EPN3: variants seen among roughly 807,000 people sequenced by gnomAD.
EPN3 encodes epsin 3.
Under a neutral mutation model 55.5 loss-of-function variants are expected in EPN3, and 56 were observed. The observed-to-expected ratio is 1.01, with a 90% CI of 0.81 to 1.26. The LOEUF (loss-of-function observed/expected upper bound fraction) is 1.26. EPN3 is among the 50% of genes most tolerant of loss of function. EPN3 has a pLI of 0.00. For synonymous variants in EPN3, 449 were observed against 375.2 expected (o/e 1.20, Z -2.27); for missense variants, 927 against 853.4 (o/e 1.09, Z -1.07).
rs150154475 is a variant in EPN3, at chr17:50,536,860, A to G, written c.304A>G (p.Thr102Ala). Residue 102 changes from threonine (T) to alanine (A), a missense_variant, in exon 2 of 10, where the codon ACC becomes GCC. Physicochemically the swap from Thr to Ala is moderately conservative, Grantham distance 58 (BLOSUM62 0). Transcript: ENST00000268933. ...CCACCAGTGCCGCGAGAACCTCTAC[A>G]CCATCCAGACACTCAAGGACTTCCA... ...VAHQCRENLY[T>A]IQTLKDFQYI... 3.4e-5 allele frequency: 55 copies of G among 1,614,050 alleles called. No homozygotes were observed. The African/African-American group carries it at 6.1e-4, about 18-fold the overall frequency.
Position 50,537,173 on chromosome 17 carries a change from T to C in EPN3, c.562+55T>C, listed in dbSNP as rs959660004. The C allele has an allele frequency of 1.7e-5, 25 of 1,473,318 alleles. No individual in the cohort carries two copies. The African/African-American group carries it at 2.6e-4, about 16-fold the overall frequency. 91.3% of individuals were successfully genotyped at this position (1,473,318 alleles called of 1,614,324 possible). On this transcript the variant is annotated intron_variant, in intron 2 of 9. Coordinates refer to ENST00000268933, the MANE Select transcript of EPN3 (RefSeq NM_017957.3). ...GGGGAGGTGGCCCGACTTCCATTCC[T>C]GGCTCTGCAATCCAAGCCATGGTTC...
At position 50,542,361 on chromosome 17, in the gene EPN3, C is replaced by T; in HGVS notation, c.*204C>T. ...CCCGCATAATAAAGACTGGAACCCT[C>T]GTTCTCAGCTCTCACCAAGTGGACT... is the stretch of plus-strand genomic sequence containing the variant. On this transcript the variant is annotated 3_prime_UTR_variant, in exon 10 of 10. Coordinates refer to ENST00000268933, the MANE Select transcript of EPN3 (RefSeq NM_017957.3). The T allele has an allele frequency of 3.8e-6, 2 of 520,760 alleles. No individual in the cohort carries two copies. The highest frequency in any genetic ancestry group is 7.7e-5 in the East Asian group (2 of 26,016). 32.3% of individuals were successfully genotyped at this position (520,760 alleles called of 1,614,324 possible). A position where few individuals can be genotyped will look rare whatever the true frequency, so the allele number is the denominator to read the frequency against.
intron 4 of EPN3, 100 bp from the exon 5 acceptor site, chr17:50,539,087 C>T: frequency 6.4e-7 from 1 of 1,566,694 alleles, no homozygotes; most frequent in Non-Finnish European, 8.7e-7. Flanking sequence ...TCTCAGCTGC[C>T]TCCCACCCTG....
intron 1 of EPN3, among the ~76,000 whole-genome samples, chr17:50,535,841 T>C (rs72628357): frequency 0.034 from 5,141 of 152,266 alleles, 314 homozygotes; most frequent in Admixed American, 0.17. Flanking sequence ...CTAGGAAGGA[T>C]AGGTCTTAAG....
rs770105001 is a variant in EPN3 at position 50,536,504 on chromosome 17, CAGCCCTCCACCTCCGGCGGGGGCGAG to C, written c.-52_-27del. 49 of 1,609,596 alleles carry C rather than the reference CAGCCCTCCACCTCCGGCGGGGGCGAG, an allele frequency of 3.0e-5. No homozygotes were observed. The East Asian group carries it at 8.0e-4, about 26-fold the overall frequency. On this transcript the variant is annotated 5_prime_UTR_variant, in exon 2 of 10. Transcript: ENST00000268933. ...ACTGTGACCTCGCCACAGTGGCCCT[CAGCCCTCCACCTCCGGCGGGGGCGAG>C]GGCCACCCACCTCCAAGTCTCCAGC...
intron 5 of EPN3, 42 bp from the exon 6 acceptor site, chr17:50,540,205 C>T (rs772002937): frequency 1.3e-6 from 2 of 1,556,754 alleles, no homozygotes; most frequent in African/African-American, 2.7e-5. Context: ...TCCCTCCAGG[C>T]CCCGCCCACT....
chr17:50,541,513 G>C lies in EPN3; in HGVS notation c.1404G>C (p.Thr468=), dbSNP rs754162270. 7 of 1,614,130 alleles carry C rather than the reference G, an allele frequency of 4.3e-6. No homozygotes were observed. In the Admixed American group the frequency reaches 1.2e-4, roughly 27 times the overall value. ...DPSPSSKQNG[T]KEPDALDLGI... ...GCCCCAGTTCCAAGCAAAATGGCAC[G>C]AAGGAGCCAGATGCCCTGGACCTGG... Residue 468 remains threonine (T), a synonymous_variant, in exon 9 of 10, where the codon ACG becomes ACC. Transcript: ENST00000268933.
chr17:50,532,861 A>G lies in EPN3; in HGVS notation c.-261A>G. The G allele has an allele frequency of 7.8e-7, 1 of 1,283,602 alleles. No individual in the cohort carries two copies. The highest frequency in any genetic ancestry group is 1.0e-6 in the Non-Finnish European group (1 of 985,810). 79.5% of individuals were successfully genotyped at this position (1,283,602 alleles called of 1,614,324 possible). ...TGGGAGCAGGTGGGTCTCTGGGACG[A>G]GGGTCCATGGTGGATGGCTCTGGAG... On this transcript the variant is annotated 5_prime_UTR_variant, in exon 1 of 10. Coordinates refer to ENST00000268933, the MANE Select transcript of EPN3 (RefSeq NM_017957.3).
At chr17:50,533,717 T>C (rs2034713694) in intron 1 of EPN3, among the ~76,000 whole-genome samples, 1 of 152,168 alleles carries the variant, frequency 6.6e-6, no homozygotes, top group Non-Finnish European at 1.5e-5. Flanking sequence ...GGACCCTGTA[T>C]GCAGGAGAGA....
chr17:50,533,735 C>A (rs1017676383), intron 1 of EPN3, among the ~76,000 whole-genome samples: 17 of 152,158 alleles, frequency 1.1e-4, no homozygotes, highest in African/African-American at 3.9e-4. Flanking sequence ...AGAGCTGATA[C>A]TCCGTGCCCC....
chr17:50,538,554 A>G lies in EPN3; in HGVS notation c.682-330A>G, dbSNP rs144948636. ...CCACCAGCTATCCTTTTGGGGAGAC[A>G]AGGACAGGCCCCCGATATCATCATC... On this transcript the variant is annotated intron_variant, in intron 3 of 9. Coordinates refer to ENST00000268933, the MANE Select transcript of EPN3 (RefSeq NM_017957.3). 1.1e-3 allele frequency: 461 copies of G among 419,742 alleles called. 3 individuals carry two copies. The highest frequency in any genetic ancestry group is 8.5e-3 in the African/African-American group (420 of 49,454). The allele number at this position is 419,742 out of a possible 1,614,324, so 26.0% of individuals were successfully genotyped here.
Position 50,536,959 on chromosome 17 carries a change from A to C in EPN3, c.403A>C (p.Lys135Gln). The change falls in exon 2 of 10, where the codon AAG (lysine) becomes CAG (glutamine). Residue 135 changes from lysine (K) to glutamine (Q), a missense_variant. Transcript: ENST00000268933. Reference protein sequence around the residue: ...EKVKQVMALLKDEERLRQERT... With the variant: ...EKVKQVMALLQDEERLRQERT... ...GGTCAAGCAGGTGATGGCCCTGCTC[A>C]AGGATGAGGAGCGGCTGCGGCAGGA... 2.5e-6 allele frequency: 4 copies of C among 1,614,030 alleles called. No individual in the cohort carries two copies. The highest frequency in any genetic ancestry group is 3.4e-6 in the Non-Finnish European group (4 of 1,180,032).
At position 50,538,198 on chromosome 17, in the gene EPN3, G is replaced by C. The variant is rs2034792842; in HGVS notation, c.681+1G>C. 1 of 1,608,262 alleles carries C rather than the reference G, an allele frequency of 6.2e-7. No individual in the cohort carries two copies. The highest frequency in any genetic ancestry group is 2.2e-5 in the East Asian group (1 of 44,880). On this transcript the variant is annotated splice_donor_variant, in intron 3 of 9. Transcript: ENST00000268933. LOFTEE classifies it high-confidence loss of function. ...CATGAGCCGTGAGGAGGCAGAGAAG[G>C]TGAGGCCATGCAGCCCCACTGCGGT...
rs777472606 is a variant in EPN3, at chr17:50,536,728, G to A, written c.172G>A (p.Gly58Ser). The stretch of plus-strand genomic sequence containing the variant: ...CACAGTGGCCTTCACCGAAGTCATG[G>A]GCATGCTGTGGCGGCGGCTCAATGA... ...FNTVAFTEVMGMLWRRLNDSG... is the reference protein window; with the variant it reads ...FNTVAFTEVMSMLWRRLNDSG... The change falls in exon 2 of 10, where the codon GGC becomes AGC. Residue 58 changes from glycine to serine, a missense_variant. Transcript: ENST00000268933. 6.2e-7 allele frequency: 1 copy of A among 1,614,144 alleles called. No individual in the cohort carries two copies. The highest frequency in any genetic ancestry group is 8.5e-7 in the Non-Finnish European group (1 of 1,180,034).
intron 3 of EPN3, 150 bp from the exon 4 acceptor site, chr17:50,538,734 G>A (rs1354657543): frequency 3.3e-5 from 18 of 546,790 alleles, no homozygotes; most frequent in Admixed American, 7.2e-5. Flanking sequence ...AGAAGGCCAC[G>A]CCCACCCTGC....
intron 1 of EPN3, among the ~76,000 whole-genome samples, chr17:50,534,065 TTCCTTTCCTCCTCCCTTCTC>T (rs2034721924): frequency 3.2e-5 from 1 of 31,676 alleles, no homozygotes; most frequent in Non-Finnish European, 5.4e-5. Context: ...CCCGCGTTCC[TTCCTTTCCTCCTCCCTTCTC>T]TGCGCTTGGG....
In EPN3 at chr17:50,541,646, T is replaced by C. The variant is rs2034850025; in HGVS notation, c.1537T>C (p.Leu513=). The C allele has an allele frequency of 5.0e-6, 8 of 1,614,126 alleles. No homozygotes were observed. The highest frequency in any genetic ancestry group is 6.8e-6 in the Non-Finnish European group (8 of 1,180,010). ...SASSLVNLDS[L]VKAPQVAKTR... is the part of the protein sequence containing the mutation. Reference sequence around the variant, plus strand: ...TTCCTCCTTGGTCAACCTTGACTCGTTGGTCAAGGCACCCCAGGTTGCAAA... The same window carrying C: ...TTCCTCCTTGGTCAACCTTGACTCGCTGGTCAAGGCACCCCAGGTTGCAAA... The change falls in exon 9 of 10, where the codon TTG becomes CTG. Residue 513 remains leucine (L), a synonymous_variant. Coordinates refer to ENST00000268933, the MANE Select transcript of EPN3 (RefSeq NM_017957.3).
In EPN3 at chr17:50,538,862, T is replaced by C; in HGVS notation, c.682-22T>C. On this transcript the variant is annotated intron_variant, in intron 3 of 9. Coordinates refer to ENST00000268933, the MANE Select transcript of EPN3 (RefSeq NM_017957.3). ...CCAAGGTGGGGGTACAGGGCCAAGTTTACCCCTCTCTTCCTCCGCAGCCTG... is the reference window on the plus strand; with the variant it reads ...CCAAGGTGGGGGTACAGGGCCAAGTCTACCCCTCTCTTCCTCCGCAGCCTG... 1.9e-6 allele frequency: 3 copies of C among 1,558,922 alleles called. No individual in the cohort carries two copies. The South Asian group carries it at 3.6e-5, about 19-fold the overall frequency.
Position 50,542,463 on chromosome 17 carries a change from TG to T in EPN3, c.*310del, listed in dbSNP as rs1285859698. On this transcript the variant is annotated 3_prime_UTR_variant, in exon 10 of 10. Coordinates refer to ENST00000268933, the MANE Select transcript of EPN3 (RefSeq NM_017957.3). ...TTTAGGAAACTGCAGCTGCACAACG[TG>T]GGGTGCAAAACTGCCCCGCTTCCTT... 2.9e-6 allele frequency: 1 copy of T among 344,116 alleles called. No individual in the cohort carries two copies. Among genetic ancestry groups the T allele is most frequent in the Non-Finnish European group, 5.2e-6 (1 of 190,818 alleles). The allele number at this position is 344,116 out of a possible 1,614,324, so 21.3% of individuals were successfully genotyped here. A position where few individuals can be genotyped will look rare whatever the true frequency, so the allele number is the denominator to read the frequency against.
Sources: allele counts gnomAD v4.1 joint callset (sites outside exome capture counted in the v4.1 genomes callset), GRCh38; gene constraint gnomAD v4.1.1; transcripts MANE v1.5; gene names NCBI Gene and HGNC (gene_info 2026-07-23, HGNC 2026-07-21).